Variants in MSMB observed in about 807,000 individuals in gnomAD.
MSMB encodes the protein beta-microseminoprotein.
Under a neutral mutation model 10.5 loss-of-function variants are expected in MSMB, and 10 were observed. The ratio of observed to expected loss-of-function variants is 0.95; its 90% CI spans 0.59 to 1.62. MSMB has a LOEUF of 1.62. Among genes scored for constraint, MSMB ranks in the 40% most tolerant of loss-of-function variants. MSMB has a pLI of 0.00. For missense variants in MSMB, 126 were observed against 137.4 expected (o/e 0.92, Z 0.42); for synonymous variants, 43 against 46.5 (o/e 0.93, Z 0.30).
At chr10:46,044,400 C>A (rs994714010) in intron 1 of MSMB, among the ~76,000 whole-genome samples, 8 of 150,354 alleles carry the variant, frequency 5.3e-5, no homozygotes, top group African/African-American at 2.0e-4. Context: ...CATGGTGAAA[C>A]CCCGTCTCTA....
At chr10:46,037,089 C>T (rs1426910353) in intron 3 of MSMB, among the ~76,000 whole-genome samples, 1 of 152,192 alleles carries the variant, frequency 6.6e-6, no homozygotes, top group Non-Finnish European at 1.5e-5. Context: ...GAGGCCTGCT[C>T]GATAAATGTG....
At chr10:46,046,121 A>G in intron 1 of MSMB, 114 bp downstream of exon 1, 1 of 1,122,136 alleles carries the variant, frequency 8.9e-7, no homozygotes, top group Non-Finnish European at 1.3e-6. Context: ...TAAGGTTCCT[A>G]ACTAGGTCAC....
chr10:46,037,572 C>A (rs980895111), intron 3 of MSMB, among the ~76,000 whole-genome samples: 13 of 152,194 alleles, frequency 8.5e-5, no homozygotes, highest in African/African-American at 2.9e-4. Context: ...ATCTGCATAG[C>A]CTTTGGGCTG....
At chr10:46,034,579 A>C (rs566344465) in intron 3 of MSMB, among the ~76,000 whole-genome samples, 1 of 151,600 alleles carries the variant, frequency 6.6e-6, no homozygotes, top group African/African-American at 2.4e-5. Context: ...TAATCCCAGC[A>C]CCTTGGGAGG....
At chr10:46,033,829 C>T (rs1444432396) in intron 3 of MSMB, among the ~76,000 whole-genome samples, 1 of 152,212 alleles carries the variant, frequency 6.6e-6, no homozygotes, top group African/African-American at 2.4e-5. Flanking sequence ...CAGCTTGTTC[C>T]ATGCTGGCTC....
intron 3 of MSMB, among the ~76,000 whole-genome samples, chr10:46,036,604 G>A (rs1345121496): frequency 1.3e-5 from 2 of 152,200 alleles, no homozygotes; most frequent in Non-Finnish European, 2.9e-5. Flanking sequence ...AGGAAACAGA[G>A]GCTCAGAGAC....
chr10:46,039,120 AAGGCCTATC>A (rs1326847376), intron 2 of MSMB, 49 bp from the exon 3 acceptor site: 1 of 1,524,662 alleles, frequency 6.6e-7, no homozygotes, highest in African/African-American at 1.4e-5. Flanking sequence ...CAATGAGAAC[AAGGCCTATC>A]AGGACATTGA....
rs56061175 is a variant in MSMB, at chr10:46,044,575, G to GAAAAAAAAAAAAAAAA, written c.3+1644_3+1659dup. ...TGGGCGACAGAGAGACTCCGTCTCA[G>GAAAAAAAAAAAAAAAA]AAAAAAAAAAAAAAAAAAAAAAAAA... On this transcript the variant is annotated intron_variant, in intron 1 of 3. Transcript: ENST00000582163. 5.7e-4 allele frequency among the ~76,000 whole-genome samples: 22 copies of GAAAAAAAAAAAAAAAA among 38,526 alleles called. 2 individuals carry two copies. Among genetic ancestry groups the GAAAAAAAAAAAAAAAA allele is most frequent in the African/African-American group, 1.4e-3 (20 of 14,242 alleles). The allele number at this position is 38,526 out of a possible 152,430, so 25.3% of individuals were successfully genotyped here.
intron 1 of MSMB, among the ~76,000 whole-genome samples, chr10:46,041,886 C>G (rs1394412708): frequency 6.6e-6 from 1 of 150,444 alleles, no homozygotes; most frequent in Non-Finnish European, 1.5e-5. Flanking sequence ...AAACAAAACC[C>G]AGAAAGTATA....
At chr10:46,035,313 A>G (rs1430550277) in intron 3 of MSMB, among the ~76,000 whole-genome samples, 2 of 152,254 alleles carry the variant, frequency 1.3e-5, no homozygotes, top group African/African-American at 4.8e-5. Flanking sequence ...CAGGGACTCA[A>G]ACATTATATG....
At chr10:46,044,382 C>T (rs797040002) in intron 1 of MSMB, among the ~76,000 whole-genome samples, 129 of 150,748 alleles carry the variant, frequency 8.6e-4, no homozygotes, top group African/African-American at 3.0e-3. Context: ...CGAGACCATC[C>T]TGGCTAACAT....
chr10:46,038,031 A>G (rs1052103182), intron 3 of MSMB, among the ~76,000 whole-genome samples: 2 of 152,194 alleles, frequency 1.3e-5, no homozygotes, highest in Admixed American at 1.3e-4. Flanking sequence ...AAAAGCAATT[A>G]CTGTATGATT....
chr10:46,038,414 A>G (rs575612968), intron 3 of MSMB, among the ~76,000 whole-genome samples: 3 of 152,054 alleles, frequency 2.0e-5, no homozygotes, highest in East Asian at 3.9e-4. Context: ...CAGCCTCCCA[A>G]GTAGCTGGGA....
chr10:46,043,182 C>T (rs1840791729), intron 1 of MSMB, among the ~76,000 whole-genome samples: 1 of 152,102 alleles, frequency 6.6e-6, no homozygotes, highest in African/African-American at 2.4e-5. Flanking sequence ...GATCTGGTTT[C>T]ACTGAGTCAC....
intron 3 of MSMB, 27 bp from the exon 4 acceptor site, chr10:46,033,578 G>C (rs1554927125): frequency 6.2e-7 from 1 of 1,611,166 alleles, no homozygotes; most frequent in Admixed American, 1.7e-5. Context: ...ACTGGGGCCT[G>C]TTAGAAGAGA....
At chr10:46,043,069 C>G (rs2132423637) in intron 1 of MSMB, among the ~76,000 whole-genome samples, 1 of 152,082 alleles carries the variant, frequency 6.6e-6, no homozygotes, top group East Asian at 1.9e-4. Flanking sequence ...ATTGTGGAAA[C>G]CTAAACTTTT....
chr10:46,039,106 C>T, intron 2 of MSMB, 35 bp from the exon 3 acceptor site: 2 of 1,585,600 alleles, frequency 1.3e-6, no homozygotes, highest in Non-Finnish European at 1.7e-6. Context: ...CAGTGCAAGT[C>T]ATGCAATGAG....
chr10:46,039,065 A>G lies in MSMB; in HGVS notation c.116T>C (p.Met39Thr). The G allele has an allele frequency of 6.2e-7, 1 of 1,613,672 alleles. No homozygotes were observed. The highest frequency in any genetic ancestry group is 8.5e-7 in the Non-Finnish European group (1 of 1,179,674). Residue 39 changes from methionine to threonine, a missense_variant, in exon 3 of 4, where the codon ATG becomes ACG. Physicochemically the swap from Met to Thr is moderately conservative, Grantham distance 81. Transcript: ENST00000582163. ...TGGGTGTTTGTTTCCTTTGAGATCC[A>G]TGCATTCTAAAATAATACACACAAC... The part of the protein sequence containing the change: ...GVPGDSTRKC[M>T]DLKGNKHPIN...
At chr10:46,035,029 C>T (rs1215733476) in intron 3 of MSMB, among the ~76,000 whole-genome samples, 2 of 151,988 alleles carry the variant, frequency 1.3e-5, no homozygotes, top group Non-Finnish European at 2.9e-5. Flanking sequence ...TAGTTATTAC[C>T]TTTACACAGT....
Sources: gnomAD v4.1 joint callset for allele counts (sites outside exome capture counted in the v4.1 genomes callset) on GRCh38, gnomAD v4.1.1 for gene constraint, MANE v1.5 for transcripts, NCBI Gene and HGNC (gene_info 2026-07-23, HGNC 2026-07-21) for gene names.